SOX5: variants seen among roughly 807,000 people sequenced by gnomAD.
The protein encoded by SOX5 is transcription factor SOX-5.
A neutral mutation model predicts 92.0 loss-of-function variants in SOX5; 9 were observed. That is an observed-to-expected ratio of 0.10 (90% CI 0.06 to 0.17). The LOEUF (loss-of-function observed/expected upper bound fraction) is 0.17. Among genes scored for constraint, SOX5 ranks in the 10% least tolerant of loss-of-function variants. SOX5 has a pLI of 1.00. For missense variants in SOX5, 642 were observed against 944.5 expected (o/e 0.68, Z 4.20); for synonymous variants, 344 against 336.3 (o/e 1.02, Z -0.25).
At chr12:23,842,736 C>T (rs898932382) in intron 3 of SOX5, among the ~76,000 whole-genome samples, 5 of 152,044 alleles carry the variant, frequency 3.3e-5, no homozygotes, top group Admixed American at 1.3e-4. Flanking sequence ...AATAAATATT[C>T]GTGAATTCAT....
chr12:24,448,727 G>T (rs1206988674), intron 1 of SOX5, among the ~76,000 whole-genome samples: 2 of 151,966 alleles, frequency 1.3e-5, no homozygotes, highest in East Asian at 3.9e-4. Context: ...TTTAACTGTG[G>T]GTAGACCTTT....
chr12:24,130,901 T>A (rs1949584159), intron 4 of SOX5, among the ~76,000 whole-genome samples: 1 of 152,176 alleles, frequency 6.6e-6, no homozygotes, highest in African/African-American at 2.4e-5. Flanking sequence ...CAGCTCCATA[T>A]TCCTACCTAG....
rs549267627 is a variant in SOX5, at chr12:24,494,564, C to T, written c.-251+67765G>A. Among the ~76,000 whole-genome samples the T allele has an allele frequency of 3.3e-5, 5 of 152,216 alleles. No homozygotes were observed. In the South Asian group the frequency reaches 8.3e-4, roughly 25 times the overall value. ...CACACCATAAGTGACTGAATTCCAA[C>T]GAGCATTCAACTTTCACAACTTCAA... On this transcript the variant is annotated intron_variant, in intron 1 of 4. Transcript: ENST00000446891.
At chr12:23,823,760 C>T (rs1049381203) in intron 3 of SOX5, among the ~76,000 whole-genome samples, 1 of 152,152 alleles carries the variant, frequency 6.6e-6, no homozygotes, top group Non-Finnish European at 1.5e-5. Context: ...ACCAATCAAA[C>T]GTAGGTTTGG....
intron 3 of SOX5, among the ~76,000 whole-genome samples, chr12:24,215,088 G>T (rs146874937): frequency 6.6e-6 from 1 of 152,100 alleles, no homozygotes. Context: ...AAACAAACTA[G>T]CAATAGAAGG....
chr12:23,770,048 GTT>G (rs71059922), intron 3 of SOX5, among the ~76,000 whole-genome samples: 21 of 106,490 alleles, frequency 2.0e-4, no homozygotes, highest in Admixed American at 5.0e-4. Context: ...TGCTCCCTCT[GTT>G]TTTTTTTTTT....
At chr12:24,442,628 G>C (rs1940818509) in intron 1 of SOX5, among the ~76,000 whole-genome samples, 1 of 152,188 alleles carries the variant, frequency 6.6e-6, no homozygotes. Flanking sequence ...TGGTAAGGGA[G>C]CAAGTCATTG....
At chr12:23,817,621 G>T (rs1187979114) in intron 3 of SOX5, among the ~76,000 whole-genome samples, 1 of 152,156 alleles carries the variant, frequency 6.6e-6, no homozygotes, top group East Asian at 1.9e-4. Flanking sequence ...GGCTAGACCA[G>T]TCATAATAAC....
chr12:24,056,133 A>G (rs1054793675), intron 4 of SOX5, among the ~76,000 whole-genome samples: 1 of 152,114 alleles, frequency 6.6e-6, no homozygotes, highest in Non-Finnish European at 1.5e-5. Flanking sequence ...CACCAAAACT[A>G]TTTGTCATTA....
chr12:24,051,280 T>A (rs897187796), intron 4 of SOX5, among the ~76,000 whole-genome samples: 1 of 152,108 alleles, frequency 6.6e-6, no homozygotes, highest in Non-Finnish European at 1.5e-5. Flanking sequence ...GTTCCAAAAT[T>A]TTACAATGAT....
chr12:23,698,256 G>T (rs552542991), intron 6 of SOX5, among the ~76,000 whole-genome samples: 1 of 151,936 alleles, frequency 6.6e-6, no homozygotes, highest in Non-Finnish European at 1.5e-5. Flanking sequence ...GTTCTTTGAG[G>T]TTCTTAGATA....
chr12:23,796,996 G>A (rs1029720540), intron 3 of SOX5, among the ~76,000 whole-genome samples: 6 of 149,988 alleles, frequency 4.0e-5, no homozygotes, highest in Non-Finnish European at 5.9e-5. Flanking sequence ...ATTTAAGGGG[G>A]AAATTAGTAA....
At chr12:23,559,872 A>C (rs991934497) in intron 11 of SOX5, among the ~76,000 whole-genome samples, 2 of 151,224 alleles carry the variant, frequency 1.3e-5, no homozygotes, top group Non-Finnish European at 2.9e-5. Flanking sequence ...CTCACTCCTT[A>C]CCTTACACAT....
At chr12:24,278,875 CTTTT>C (rs11357779) in intron 2 of SOX5, among the ~76,000 whole-genome samples, 5 of 141,060 alleles carry the variant, frequency 3.5e-5, no homozygotes, top group Non-Finnish European at 4.6e-5. Flanking sequence ...ACAAACTCCA[CTTTT>C]TTTTTTTTTT....
intron 4 of SOX5, among the ~76,000 whole-genome samples, chr12:24,135,267 C>A (rs1183426662): frequency 6.6e-6 from 1 of 152,184 alleles, no homozygotes; most frequent in Non-Finnish European, 1.5e-5. Context: ...TCAGATATAG[C>A]AACCAATCCA....
In SOX5 at chr12:24,327,982, G is replaced by A. The variant is rs543118750; in HGVS notation, c.-174+40581C>T. Among the ~76,000 whole-genome samples, 15 of 152,114 alleles carry A rather than the reference G, an allele frequency of 9.9e-5. No homozygotes were observed. In the East Asian group the frequency reaches 2.1e-3, roughly 22 times the overall value. On this transcript the variant is annotated intron_variant, in intron 2 of 4. Coordinates refer to the SOX5 transcript ENST00000446891. ...GTTGGAATTAGAGGCATGAACCACC[G>A]CACCCAGCCGCAATAGAGACTTTTG...
intron 4 of SOX5, among the ~76,000 whole-genome samples, chr12:24,109,569 C>T (rs1947083654): frequency 6.6e-6 from 1 of 152,086 alleles, no homozygotes; most frequent in African/African-American, 2.4e-5. Context: ...AAAGTCTCAC[C>T]CACCATCACC....
intron 7 of SOX5, among the ~76,000 whole-genome samples, chr12:23,652,548 G>A (rs2081738227): frequency 7.2e-6 from 1 of 139,438 alleles, no homozygotes; most frequent in South Asian, 2.2e-4. Flanking sequence ...ATTCTCCCTA[G>A]CTGTCCCACA....
chr12:24,402,519 C>T (rs1360584354), intron 1 of SOX5, among the ~76,000 whole-genome samples: 1 of 152,116 alleles, frequency 6.6e-6, no homozygotes, highest in East Asian at 1.9e-4. Flanking sequence ...GTTTTAAGAA[C>T]CTGTCATGTC....
Sources: allele counts gnomAD v4.1 joint callset (sites outside exome capture counted in the v4.1 genomes callset), GRCh38; gene constraint gnomAD v4.1.1; transcripts MANE v1.5; gene names NCBI Gene and HGNC (gene_info 2026-07-23, HGNC 2026-07-21).